TMEM217B: variants seen among roughly 807,000 people sequenced by gnomAD.
TMEM217B encodes transmembrane protein 217B, also known as putative transmembrane protein 217B.
the TMEM217B span, among the ~76,000 whole-genome samples, chr6:37,227,440 T>C: frequency 2.0e-5 from 3 of 151,940 alleles, no homozygotes; most frequent in Admixed American, 6.6e-5. Context: ...TAAGCGAAGG[T>C]TTTTTTTGTT....
At chr6:37,218,950 G>A in the TMEM217B span, 3 of 1,614,188 alleles carry the variant, frequency 1.9e-6, no homozygotes, top group Admixed American at 1.7e-5. Flanking sequence ...TGAGATACAT[G>A]TCTACGGCCA....
the TMEM217B span, among the ~76,000 whole-genome samples, chr6:37,215,702 A>T: frequency 6.6e-6 from 1 of 152,096 alleles, no homozygotes; most frequent in African/African-American, 2.4e-5. Flanking sequence ...ATGAAAAATC[A>T]TTGGATGAGA....
At chr6:37,226,592 C>T in the TMEM217B span, among the ~76,000 whole-genome samples, 2 of 150,380 alleles carry the variant, frequency 1.3e-5, no homozygotes, top group Non-Finnish European at 1.5e-5. Flanking sequence ...CCACTGCGCC[C>T]GGCCGAGACA....
the TMEM217B span, among the ~76,000 whole-genome samples, chr6:37,216,229 C>A: frequency 2.6e-5 from 4 of 152,172 alleles, no homozygotes; most frequent in East Asian, 3.9e-4. Flanking sequence ...CAGGTGCCTG[C>A]CACTATACCC....
chr6:37,244,381 G>C, the TMEM217B span, among the ~76,000 whole-genome samples: 1 of 152,204 alleles, frequency 6.6e-6, no homozygotes, highest in African/African-American at 2.4e-5. Context: ...TTTCACATGA[G>C]GGAGAAAAAC....
chr6:37,246,327 C>T, the TMEM217B span, among the ~76,000 whole-genome samples: 9 of 152,126 alleles, frequency 5.9e-5, no homozygotes, highest in Non-Finnish European at 1.2e-4. Context: ...TTTTTGTCTG[C>T]TCCCACATGT....
chr6:37,241,317 A>G, the TMEM217B span, among the ~76,000 whole-genome samples: 1 of 152,032 alleles, frequency 6.6e-6, no homozygotes, highest in Non-Finnish European at 1.5e-5. Flanking sequence ...TGTCAAAGAA[A>G]AAAAAGGTGG....
chr6:37,244,748 T>C, the TMEM217B span, among the ~76,000 whole-genome samples: 1 of 152,194 alleles, frequency 6.6e-6, no homozygotes, highest in Non-Finnish European at 1.5e-5. Context: ...TACACAAGTT[T>C]GTGAGGTTCA....
chr6:37,232,763 A>G, the TMEM217B span, among the ~76,000 whole-genome samples: 1 of 152,132 alleles, frequency 6.6e-6, no homozygotes, highest in South Asian at 2.1e-4. Context: ...CCCTCCGCGG[A>G]ATCTTCCATT....
At chr6:37,215,059 A>G in the TMEM217B span, 3 of 1,082,316 alleles carry the variant, frequency 2.8e-6, no homozygotes, top group South Asian at 1.7e-5. Context: ...TATAAAGCCC[A>G]CTGGTTCCAC....
the TMEM217B span, among the ~76,000 whole-genome samples, chr6:37,250,440 T>C: frequency 6.6e-6 from 1 of 152,250 alleles, no homozygotes; most frequent in Non-Finnish European, 1.5e-5. Flanking sequence ...ATGAAAAAAT[T>C]CTACTATAGG....
the TMEM217B span, among the ~76,000 whole-genome samples, chr6:37,222,791 C>T: frequency 6.6e-6 from 1 of 152,212 alleles, no homozygotes; most frequent in Non-Finnish European, 1.5e-5. Context: ...GCAGTAGCAC[C>T]CGGTGAGTTC....
the TMEM217B span, among the ~76,000 whole-genome samples, chr6:37,253,002 A>G: frequency 9.2e-5 from 14 of 152,264 alleles, no homozygotes; most frequent in East Asian, 2.7e-3. Context: ...AAGTACCAAG[A>G]TGTATATAAT....
At chr6:37,230,610 C>T in the TMEM217B span, among the ~76,000 whole-genome samples, 1 of 151,984 alleles carries the variant, frequency 6.6e-6, no homozygotes, top group South Asian at 2.1e-4. Context: ...TGAGGGTGGC[C>T]ATCTACAAAA....
At chr6:37,255,016 T>G in the TMEM217B span, among the ~76,000 whole-genome samples, 2 of 152,202 alleles carry the variant, frequency 1.3e-5, no homozygotes, top group African/African-American at 4.8e-5. Flanking sequence ...GCTGCTGATC[T>G]GACAGGAGGC....
the TMEM217B span, among the ~76,000 whole-genome samples, chr6:37,251,539 G>T: frequency 1.3e-5 from 2 of 152,348 alleles, no homozygotes; most frequent in East Asian, 3.9e-4. Flanking sequence ...TTAACAGAAT[G>T]TTGAGTGAAA....
chr6:37,223,059 A>G, the TMEM217B span, among the ~76,000 whole-genome samples: 727 of 152,350 alleles, frequency 4.8e-3, 7 homozygotes, highest in African/African-American at 0.016. Context: ...GAAACAAGAT[A>G]AATCAGCAGA....
At chr6:37,214,189 G>A in the TMEM217B span, among the ~76,000 whole-genome samples, 3 of 152,282 alleles carry the variant, frequency 2.0e-5, no homozygotes, top group African/African-American at 4.8e-5. Context: ...TCACGTTGTC[G>A]TGCAAGCATA....
chr6:37,248,289 G>A, the TMEM217B span, among the ~76,000 whole-genome samples: 2 of 152,074 alleles, frequency 1.3e-5, no homozygotes, highest in African/African-American at 4.8e-5. Context: ...ATAGTTTAGT[G>A]CCAGGAATAC....
Sources: allele counts gnomAD v4.1 joint callset (sites outside exome capture counted in the v4.1 genomes callset), GRCh38; gene constraint gnomAD v4.1.1; transcripts MANE v1.5; gene names NCBI Gene and HGNC (gene_info 2026-07-23, HGNC 2026-07-21).